MACROD2: variants seen among roughly 807,000 people sequenced by gnomAD.
MACROD2 encodes mono-ADP ribosylhydrolase 2.
Under a neutral mutation model 70.4 loss-of-function variants are expected in MACROD2, and 36 were observed. The ratio of observed to expected loss-of-function variants is 0.51; its 90% CI spans 0.39 to 0.68. MACROD2 has a LOEUF of 0.68. Among genes scored for constraint, MACROD2 ranks in the 30% least tolerant of loss-of-function variants. The pLI, the probability that MACROD2 is intolerant of heterozygous loss-of-function variation, is 0.00. For missense variants in MACROD2, 496 were observed against 538.4 expected (o/e 0.92, Z 0.78); for synonymous variants, 172 against 178.8 (o/e 0.96, Z 0.30).
intron 6 of MACROD2, among the ~76,000 whole-genome samples, chr20:15,374,466 A>T (rs1234296869): frequency 1.3e-5 from 2 of 152,142 alleles, no homozygotes; most frequent in Non-Finnish European, 2.9e-5. Context: ...ACTTTCGACC[A>T]CAATAATGCT....
At chr20:15,781,676 T>C (rs2051835790) in intron 8 of MACROD2, among the ~76,000 whole-genome samples, 1 of 152,130 alleles carries the variant, frequency 6.6e-6, no homozygotes, top group Non-Finnish European at 1.5e-5. Flanking sequence ...CCTCATGACC[T>C]AATCATCTTA....
intron 7 of MACROD2, among the ~76,000 whole-genome samples, chr20:15,491,037 C>G (rs555416521): frequency 5.8e-4 from 89 of 152,246 alleles, no homozygotes; most frequent in South Asian, 2.9e-3. Context: ...GAAAATTAAA[C>G]GAGGTAACAC....
intron 3 of MACROD2, among the ~76,000 whole-genome samples, chr20:14,394,614 G>A (rs1339207032): frequency 1.3e-5 from 2 of 152,050 alleles, no homozygotes; most frequent in African/African-American, 2.4e-5. Flanking sequence ...AATGGCTAGA[G>A]CTCCCCATAC....
intron 8 of MACROD2, among the ~76,000 whole-genome samples, chr20:15,665,667 GA>G (rs1255401379): frequency 1.3e-5 from 2 of 152,194 alleles, no homozygotes; most frequent in Non-Finnish European, 2.9e-5. Context: ...AGTCTCCAGA[GA>G]GGAGAAAAGA....
intron 3 of MACROD2, among the ~76,000 whole-genome samples, chr20:14,410,716 T>G (rs2083740565): frequency 1.3e-5 from 2 of 152,180 alleles, no homozygotes. Flanking sequence ...GTAGGTTCCT[T>G]AGCAGGATTG....
chr20:14,844,787 G>C (rs1047598404), intron 5 of MACROD2, among the ~76,000 whole-genome samples: 1 of 152,014 alleles, frequency 6.6e-6, no homozygotes, highest in Non-Finnish European at 1.5e-5. Context: ...ATTCTTTCTG[G>C]AATTTTAACA....
At chr20:15,522,540 A>T (rs1245662026) in intron 8 of MACROD2, among the ~76,000 whole-genome samples, 2 of 152,224 alleles carry the variant, frequency 1.3e-5, no homozygotes, top group Admixed American at 1.3e-4. Context: ...TCAATGAAAA[A>T]TGTGTATTAC....
intron 13 of MACROD2, 105 bp downstream of exon 13, chr20:15,967,735 A>G: frequency 1.0e-6 from 1 of 971,548 alleles, no homozygotes; most frequent in Non-Finnish European, 1.5e-6. Flanking sequence ...AAAAATATTG[A>G]ATTCCAATAA....
chr20:14,132,943 A>C (rs1735754907), intron 3 of MACROD2, among the ~76,000 whole-genome samples: 1 of 152,170 alleles, frequency 6.6e-6, no homozygotes, highest in Non-Finnish European at 1.5e-5. Context: ...ACCTGGCCAG[A>C]AATTTGTTTA....
At chr20:14,789,882 A>T (rs2072428627) in intron 5 of MACROD2, among the ~76,000 whole-genome samples, 1 of 152,068 alleles carries the variant, frequency 6.6e-6, no homozygotes, top group African/African-American at 2.4e-5. Context: ...ATGATGAGAA[A>T]TCAAAATTAA....
chr20:14,620,697 C>T (rs1008720559), intron 4 of MACROD2, among the ~76,000 whole-genome samples: 4 of 152,000 alleles, frequency 2.6e-5, no homozygotes, highest in Admixed American at 2.0e-4. Flanking sequence ...TGTGGTTGGG[C>T]TGTCAACTTC....
chr20:14,279,621 C>T (rs960332647), intron 3 of MACROD2, among the ~76,000 whole-genome samples: 1 of 152,062 alleles, frequency 6.6e-6, no homozygotes, highest in African/African-American at 2.4e-5. Flanking sequence ...TCCTTGTGGT[C>T]CCTCAGTTGA....
chr20:15,485,552 G>A (rs1600481055), intron 7 of MACROD2, among the ~76,000 whole-genome samples: 1 of 152,042 alleles, frequency 6.6e-6, no homozygotes, highest in Non-Finnish European at 1.5e-5. Context: ...CACAAACTTG[G>A]TCCAGAGCTC....
chr20:15,312,779 A>G (rs1393799526), intron 6 of MACROD2, among the ~76,000 whole-genome samples: 1 of 152,192 alleles, frequency 6.6e-6, no homozygotes, highest in Non-Finnish European at 1.5e-5. Flanking sequence ...TGGTATATAT[A>G]CATCTACTAT....
chr20:14,073,053 C>T lies in MACROD2; in HGVS notation c.164-12568C>T, dbSNP rs548773033. 3.0e-4 allele frequency among the ~76,000 whole-genome samples: 46 copies of T among 152,000 alleles called. No homozygotes were observed. In the South Asian group the frequency reaches 8.7e-3, roughly 29 times the overall value. On this transcript the variant is annotated intron_variant, in intron 2 of 17. Transcript: ENST00000684519. ...TGTTTTTTATAAAGATGAGATTACG[C>T]GGCTGGGCATAGTGGTTCATGCCTG...
At chr20:15,728,643 A>G (rs1600814133) in intron 8 of MACROD2, among the ~76,000 whole-genome samples, 1 of 152,166 alleles carries the variant, frequency 6.6e-6, no homozygotes, top group East Asian at 1.9e-4. Context: ...GTATGTTTTT[A>G]AAAATTTATC....
intron 3 of MACROD2, among the ~76,000 whole-genome samples, chr20:14,273,798 A>AAAGAATCAAATAG (rs1363538247): frequency 0.015 from 2,311 of 152,286 alleles, 24 homozygotes; most frequent in African/African-American, 0.027. Flanking sequence ...TGCAATAAAA[A>AAAGAATCAAATAG]ATGATAAAGG....
intron 5 of MACROD2, among the ~76,000 whole-genome samples, chr20:15,066,041 A>T (rs1034114976): frequency 6.6e-5 from 10 of 151,548 alleles, no homozygotes; most frequent in African/African-American, 1.9e-4. Flanking sequence ...TCCGGTGGCT[A>T]CCTAGGGCAG....
At chr20:15,051,810 G>A (rs1413440093) in intron 5 of MACROD2, among the ~76,000 whole-genome samples, 1 of 147,984 alleles carries the variant, frequency 6.8e-6, no homozygotes, top group Non-Finnish European at 1.5e-5. Flanking sequence ...GGGGTGCAGT[G>A]ACGCAATCTC....
Sources: allele counts gnomAD v4.1 joint callset (sites outside exome capture counted in the v4.1 genomes callset), GRCh38; gene constraint gnomAD v4.1.1; transcripts MANE v1.5; gene names NCBI Gene and HGNC (gene_info 2026-07-23, HGNC 2026-07-21).